Variants in AWAT2 observed in about 807,000 individuals in gnomAD.
The protein encoded by AWAT2 is acyl-CoA wax alcohol acyltransferase 2, also known as 11-cis-RE-synthase.
In AWAT2, 9 loss-of-function variants were observed where a neutral mutation model predicts 22.3. The ratio of observed to expected loss-of-function variants is 0.40; its 90% CI spans 0.24 to 0.70. The LOEUF (loss-of-function observed/expected upper bound fraction) is 0.70. Ranked by LOEUF, AWAT2 falls within the 30% of genes least tolerant of loss-of-function variation. The pLI is 0.36. For synonymous variants in AWAT2, 100 were observed against 93.4 expected, an observed-to-expected ratio of 1.07 and a Z score of -0.40; for missense variants, 217 against 265.9, an observed-to-expected ratio of 0.82 and a Z score of 1.28.
chrX:70,041,915 TCTC>T lies in AWAT2; in HGVS notation c.892_894del (p.Glu298del). 1 of 1,210,709 alleles carries T rather than the reference TCTC, an allele frequency of 8.3e-7. No homozygotes were observed. The highest frequency in any genetic ancestry group is 1.1e-6 in the Non-Finnish European group (1 of 894,613). On this transcript the variant is annotated inframe_deletion, in exon 7 of 8. Transcript: ENST00000276101. ...TAGAGTGTGTGATATTTAGCCACGA[TCTC>T]CTGGCTTGGATTCTCAATCTTGGGC...
chrX:70,042,862 C>A, intron 5 of AWAT2: 1 of 367,593 alleles, frequency 2.7e-6, no homozygotes, highest in Non-Finnish European at 4.4e-6. Flanking sequence ...CCAGAGGTGG[C>A]TTTCCTCCTC....
At chrX:70,048,958 G>A (rs139161248) in intron 1 of AWAT2, among the ~76,000 whole-genome samples, 94 of 111,869 alleles carry the variant, frequency 8.4e-4, no homozygotes, top group African/African-American at 3.0e-3. Context: ...TTATCAGCAC[G>A]GCATACCTAG....
Position 70,049,854 on chromosome X carries a change from G to T in AWAT2, c.79C>A (p.Leu27Ile), listed in dbSNP as rs1217045188. Residue 27 changes from leucine to isoleucine, a missense_variant, in exon 1 of 8, where the codon CTT becomes ATT. Physicochemically the swap from Leu to Ile is conservative, Grantham distance 5. Transcript: ENST00000276101. ...CCAAAGGCTGAAGACTCACTGATAA[G>T]CAAGGCACTGAAGGACCACTGGAAA... ...AVFQWSFSAL[L>I]ITTTVIAVNL... 8.3e-7 allele frequency: 1 copy of T among 1,211,625 alleles called. No homozygotes were observed. Among genetic ancestry groups the T allele is most frequent in the East Asian group, 3.0e-5 (1 of 33,827 alleles).
chrX:70,045,519 G>A (rs2020356502), intron 1 of AWAT2, among the ~76,000 whole-genome samples: 2 of 111,193 alleles, frequency 1.8e-5, no homozygotes, highest in South Asian at 7.8e-4. Context: ...CTGGAGGATT[G>A]GTTGAAAGTC....
Position 70,043,536 on chromosome X carries a change from T to A in AWAT2, c.414A>T (p.Ile138=). 8.3e-7 allele frequency: 1 copy of A among 1,210,261 alleles called. No individual in the cohort carries two copies. Among genetic ancestry groups the A allele is most frequent in the Non-Finnish European group, 1.1e-6 (1 of 894,604 alleles). The change falls in exon 4 of 8, where the codon ATA becomes ATT. Residue 138 remains isoleucine (I), a synonymous_variant. Coordinates refer to ENST00000276101, the MANE Select transcript of AWAT2 (RefSeq NM_001002254.1). ...TCCAGAAAAAGGCTCCCAGTGTGAG[T>A]ATGTAAGGGGTGATGCCAGGAAATA... ...SKIFPGITPY[I]LTLGAFFWMP...
chrX:70,049,778 CA>C lies in AWAT2; in HGVS notation c.85+69del. On this transcript the variant is annotated intron_variant, in intron 1 of 7. Coordinates refer to ENST00000276101, the MANE Select transcript of AWAT2 (RefSeq NM_001002254.1). ...CCTAGTTTGACCATTGAACATCCTG[CA>C]ACCCTAAAATCCTTCAGTCTCAGGC... 4.3e-6 allele frequency: 5 copies of C among 1,153,619 alleles called. No homozygotes were observed. In the South Asian group the frequency reaches 9.4e-5, roughly 22 times the overall value.
At chrX:70,042,784 C>T in intron 5 of AWAT2, 1 of 394,824 alleles carries the variant, frequency 2.5e-6, no homozygotes, top group East Asian at 4.2e-5. Context: ...AGAACAGGCT[C>T]AGGGCTGGCC....
At chrX:70,042,159 C>G in intron 6 of AWAT2, 28 bp downstream of exon 6, 1 of 1,178,561 alleles carries the variant, frequency 8.5e-7, no homozygotes, top group Non-Finnish European at 1.1e-6. Flanking sequence ...GTCCTAGACT[C>G]AGGCTGCCAG....
chrX:70,043,415 C>T, intron 4 of AWAT2, 63 bp downstream of exon 4: 1 of 1,075,736 alleles, frequency 9.3e-7, no homozygotes, highest in East Asian at 3.2e-5. Context: ...TCACGCATCC[C>T]CCTACAATTC....
Position 70,042,202 on chromosome X carries a change from G to T in AWAT2, c.832C>A (p.Pro278Thr). ...GCCCACTCACCGATGGTGGTTACAGGCCGACTATAGGGCAGAAGGCCCCAG... is the reference window on the plus strand; with the variant it reads ...GCCCACTCACCGATGGTGGTTACAGTCCGACTATAGGGCAGAAGGCCCCAG... ...NSWGLLPYSR[P>T]VTTIVGEPLP... Residue 278 changes from proline to threonine, a missense_variant, in exon 6 of 8, where the codon CCT becomes ACT. Physicochemically the swap from Pro to Thr is conservative, Grantham distance 38. Coordinates refer to ENST00000276101, the MANE Select transcript of AWAT2 (RefSeq NM_001002254.1). 8.3e-7 allele frequency: 1 copy of T among 1,208,066 alleles called. No homozygotes were observed. The highest frequency in any genetic ancestry group is 1.1e-6 in the Non-Finnish European group (1 of 893,798).
At chrX:70,047,656 A>G (rs1394576296) in intron 1 of AWAT2, among the ~76,000 whole-genome samples, 1 of 111,768 alleles carries the variant, frequency 8.9e-6, no homozygotes, top group East Asian at 2.8e-4. Flanking sequence ...ACTTATTGGG[A>G]GGGCCTTCTC....
At chrX:70,042,925 T>A in intron 5 of AWAT2, 144 bp downstream of exon 5, 1 of 492,392 alleles carries the variant, frequency 2.0e-6, no homozygotes, top group Non-Finnish European at 3.1e-6. Context: ...ATAAAACTTA[T>A]CTTTCTGATG....
At chrX:70,042,864 T>G in intron 5 of AWAT2, 5 of 410,340 alleles carry the variant, frequency 1.2e-5, no homozygotes, top group East Asian at 4.4e-5. Flanking sequence ...AGAGGTGGCT[T>G]TCCTCCTCCC....
intron 1 of AWAT2, among the ~76,000 whole-genome samples, chrX:70,045,319 C>T (rs1422535850): frequency 1.8e-5 from 2 of 111,978 alleles, no homozygotes; most frequent in Non-Finnish European, 3.8e-5. Flanking sequence ...ATTAGCAAAA[C>T]ATTTCCATGT....
At position 70,043,353 on chromosome X, in the gene AWAT2, G is replaced by T; in HGVS notation, c.473-110C>A. 3 of 999,153 alleles carry T rather than the reference G, an allele frequency of 3.0e-6. No individual in the cohort carries two copies. The South Asian group carries it at 6.9e-5, about 23-fold the overall frequency. 82.3% of individuals were successfully genotyped at this position (999,153 alleles called of 1,213,427 possible). A position where few individuals can be genotyped will look rare whatever the true frequency, so the allele number is the denominator to read the frequency against. ...GCAAGGAGCCTAACATCAGGCAGGT[G>T]AGCCTATGATAGCTGTTTCACACCA... On this transcript the variant is annotated intron_variant, in intron 4 of 7. Coordinates refer to ENST00000276101, the MANE Select transcript of AWAT2 (RefSeq NM_001002254.1).
chrX:70,045,724 C>T (rs2020357472), intron 1 of AWAT2, among the ~76,000 whole-genome samples: 1 of 111,657 alleles, frequency 9.0e-6, no homozygotes, highest in Non-Finnish European at 1.9e-5. Context: ...AGATGCACAC[C>T]GTCTCAGATA....
At chrX:70,045,791 T>C (rs780999328) in intron 1 of AWAT2, among the ~76,000 whole-genome samples, 6 of 110,774 alleles carry the variant, frequency 5.4e-5, no homozygotes, top group African/African-American at 2.0e-4. Flanking sequence ...TTCACCAAAA[T>C]GAGGGAGTAA....
chrX:70,043,117 A>G lies in AWAT2; in HGVS notation c.599T>C (p.Leu200Pro), dbSNP rs1345264524. 1 of 1,198,534 alleles carries G rather than the reference A, an allele frequency of 8.3e-7. No individual in the cohort carries two copies. The highest frequency in any genetic ancestry group is 1.1e-6 in the Non-Finnish European group (1 of 888,663). Residue 200 changes from leucine to proline, a missense_variant, in exon 5 of 8, where the codon CTG (leucine) becomes CCG (proline). Physicochemically the swap from Leu to Pro is moderately conservative, Grantham distance 98. Transcript: ENST00000276101. Reference sequence around the variant, plus strand: ...AAAGCCAGACCGGTTCTTCAACACCAGGGTAGAAGAACCTGGCAGGCTGTA... The same window carrying G: ...AAAGCCAGACCGGTTCTTCAACACCGGGGTAGAAGAACCTGGCAGGCTGTA... ...CRYSLPGSST[L>P]VLKNRSGFVR...
chrX:70,046,754 TG>T (rs1056357862), intron 1 of AWAT2, among the ~76,000 whole-genome samples: 5 of 111,861 alleles, frequency 4.5e-5, no homozygotes, highest in African/African-American at 1.6e-4. Flanking sequence ...AAGCTTTTTA[TG>T]TAACAGTTTT....
Sources: gnomAD v4.1 joint callset for allele counts (sites outside exome capture counted in the v4.1 genomes callset) on GRCh38, gnomAD v4.1.1 for gene constraint, MANE v1.5 for transcripts, NCBI Gene and HGNC (gene_info 2026-07-23, HGNC 2026-07-21) for gene names.